Variants in PGD observed in about 807,000 individuals in gnomAD.
The protein encoded by PGD is 6-phosphogluconate dehydrogenase, decarboxylating.
In PGD, 21 loss-of-function variants were observed where a neutral mutation model predicts 60.4. The ratio of observed to expected loss-of-function variants is 0.35; its 90% CI spans 0.25 to 0.50. The LOEUF is 0.50. PGD is among the 20% of genes least tolerant of loss of function. PGD has a pLI of 0.98. For missense variants in PGD, 477 were observed against 613.1 expected, an observed-to-expected ratio of 0.78 and a Z score of 2.34; for synonymous variants, 230 against 235.9, an observed-to-expected ratio of 0.97 and a Z score of 0.23.
intron 8 of PGD, among the ~76,000 whole-genome samples, chr1:10,414,916 C>A (rs976053607): frequency 3.3e-5 from 5 of 151,448 alleles, no homozygotes; most frequent in Non-Finnish European, 7.4e-5. Context: ...CATGGCGAAA[C>A]CCCATCTCTA....
chr1:10,416,997 C>T lies in PGD; in HGVS notation c.855C>T (p.Val285=). 1 of 1,613,582 alleles carries T rather than the reference C, an allele frequency of 6.2e-7. No individual in the cohort carries two copies. Among genetic ancestry groups the T allele is most frequent in the Non-Finnish European group, 8.5e-7 (1 of 1,179,590 alleles). ...GATCTCCCCATGTAGGAGAAGCTGT[C>T]TTTGCTCGGTGCTTATCATCTCTGA... ...GVPVTLIGEA[V]FARCLSSLKD... Residue 285 remains valine, a synonymous_variant, in exon 9 of 13, where the codon GTC becomes GTT. Coordinates refer to ENST00000270776, the MANE Select transcript of PGD (RefSeq NM_002631.4).
chr1:10,405,323 A>G lies in PGD; in HGVS notation c.449+1044A>G, dbSNP rs567833926. On this transcript the variant is annotated intron_variant, in intron 5 of 12. Coordinates refer to ENST00000270776, the MANE Select transcript of PGD (RefSeq NM_002631.4). Reference sequence around the variant, plus strand: ...AGGAGGCAGAGGTTAGTGAGCCGAGATCGCGCCACTGCACTTCACCCTGGC... The same window carrying G: ...AGGAGGCAGAGGTTAGTGAGCCGAGGTCGCGCCACTGCACTTCACCCTGGC... 5.3e-5 allele frequency among the ~76,000 whole-genome samples: 8 copies of G among 151,918 alleles called. 2 individuals are homozygous for G. Among genetic ancestry groups the G allele is most frequent in the African/African-American group, 1.9e-4 (8 of 41,444 alleles).
Position 10,402,027 on chromosome 1 carries a change from A to T in PGD, c.265-1044A>T, listed in dbSNP as rs505445. Among the ~76,000 whole-genome samples, 1,322 of 150,242 alleles carry T rather than the reference A, an allele frequency of 8.8e-3. 7 individuals carry two copies. The highest frequency in any genetic ancestry group is 0.016 in the African/African-American group (654 of 41,016). On this transcript the variant is annotated intron_variant, in intron 3 of 12. Coordinates refer to ENST00000270776, the MANE Select transcript of PGD (RefSeq NM_002631.4). ...GAGACTCCGTCTCAAATAAATAAAT[A>T]AATTAATTAATTAATTAATAAAGTA...
chr1:10,408,181 G>A (rs962059521), intron 6 of PGD, 41 bp downstream of exon 6: 4 of 1,156,958 alleles, frequency 3.5e-6, no homozygotes, highest in Admixed American at 1.7e-5. Context: ...TGGCAACATG[G>A]GCGTGTCTAA....
At chr1:10,401,268 CCAAA>C (rs1639310795) in intron 3 of PGD, among the ~76,000 whole-genome samples, 2 of 152,192 alleles carry the variant, frequency 1.3e-5, no homozygotes, top group South Asian at 2.1e-4. Flanking sequence ...TATTTTTGTA[CCAAA>C]CAATTTGTTG....
chr1:10,399,603 C>G (rs375440605), intron 1 of PGD, 26 bp from the exon 2 acceptor site: 2 of 1,608,806 alleles, frequency 1.2e-6, no homozygotes, highest in African/African-American at 2.7e-5. Flanking sequence ...CTGACTCTTT[C>G]CTTTGTTCTG....
chr1:10,418,857 G>C lies in PGD; in HGVS notation c.1141G>C (p.Asp381His). ...VFLGKIKDAFDRNPELQNLLL... is the reference protein window; with the variant it reads ...VFLGKIKDAFHRNPELQNLLL... ...CCTAGGAAAGATAAAGGATGCATTTGATCGAAACCCGGAACTTCAGAACCT... is the reference window on the plus strand; with the variant it reads ...CCTAGGAAAGATAAAGGATGCATTTCATCGAAACCCGGAACTTCAGAACCT... The change falls in exon 11 of 13, where the codon GAT becomes CAT. Residue 381 changes from aspartate to histidine, a missense_variant. Around this residue, in one of 3 missense-constraint regions of PGD, gnomAD observed 431 missense variants for 556.6 expected, o/e 0.77. Transcript: ENST00000270776. 1 of 1,608,746 alleles carries C rather than the reference G, an allele frequency of 6.2e-7. No individual in the cohort carries two copies. Among genetic ancestry groups the C allele is most frequent in the Non-Finnish European group, 8.5e-7 (1 of 1,175,962 alleles).
intron 7 of PGD, among the ~76,000 whole-genome samples, chr1:10,412,142 A>G (rs1271819709): frequency 6.6e-6 from 1 of 152,228 alleles, no homozygotes; most frequent in African/African-American, 2.4e-5. Context: ...GCAGGTATCC[A>G]TACTTTTGTT....
rs1022852002 is a variant in PGD at position 10,420,447 on chromosome 1, G to C, written c.*698G>C. 7.2e-5 allele frequency among the ~76,000 whole-genome samples: 9 copies of C among 124,344 alleles called. No individual in the cohort carries two copies. Among genetic ancestry groups the C allele is most frequent in the Non-Finnish European group, 1.4e-4 (9 of 62,308 alleles). The allele number at this position is 124,344 out of a possible 152,430, so 81.6% of individuals were successfully genotyped here. On this transcript the variant is annotated 3_prime_UTR_variant, in exon 13 of 13. Transcript: ENST00000270776. ...CAAGCTGTGCGTGACATTCTTTATGGCTTTTTGTATGTCAAATACTTCATA... is the reference window on the plus strand; with the variant it reads ...CAAGCTGTGCGTGACATTCTTTATGCCTTTTTGTATGTCAAATACTTCATA...
In PGD at chr1:10,402,081, G is replaced by T. The variant is rs1008544840; in HGVS notation, c.265-990G>T. 4.6e-5 allele frequency among the ~76,000 whole-genome samples: 7 copies of T among 152,176 alleles called. No homozygotes were observed. The South Asian group carries it at 8.3e-4, about 18-fold the overall frequency. ...ATAATAATAAAGCCCAGCCTGGTTG[G>T]TGTGCTGTAGGTAGATATTCATGTT... On this transcript the variant is annotated intron_variant, in intron 3 of 12. Coordinates refer to ENST00000270776, the MANE Select transcript of PGD (RefSeq NM_002631.4).
chr1:10,402,945 T>G, intron 3 of PGD, 126 bp from the exon 4 acceptor site: 1 of 715,306 alleles, frequency 1.4e-6, no homozygotes, highest in South Asian at 1.6e-5. Flanking sequence ...ACTCCTGCAT[T>G]CCAAGCTGGG....
At chr1:10,412,311 C>A (rs995560168) in intron 7 of PGD, among the ~76,000 whole-genome samples, 54 of 152,196 alleles carry the variant, frequency 3.5e-4, no homozygotes, top group African/African-American at 1.3e-3. Context: ...TCGTGTCTTA[C>A]CATCTAGAAT....
intron 4 of PGD, among the ~76,000 whole-genome samples, chr1:10,403,578 GA>G (rs1433436523): frequency 9.2e-6 from 1 of 108,292 alleles, no homozygotes; most frequent in Non-Finnish European, 1.7e-5. Context: ...GCGACAGAGT[GA>G]AACTCCATCT....
chr1:10,409,830 A>G (rs1005886283), intron 6 of PGD, among the ~76,000 whole-genome samples: 1 of 151,468 alleles, frequency 6.6e-6, no homozygotes, highest in Non-Finnish European at 1.5e-5. Flanking sequence ...TAATTTTTGT[A>G]TTTTTGGTAG....
At chr1:10,413,018 C>A in intron 7 of PGD, 44 bp from the exon 8 acceptor site, 1 of 1,545,080 alleles carries the variant, frequency 6.5e-7, no homozygotes, top group Non-Finnish European at 8.9e-7. Flanking sequence ...CCTTGCTCAG[C>A]CCTCATTCCT....
At chr1:10,412,343 A>G (rs766039250) in intron 7 of PGD, among the ~76,000 whole-genome samples, 3 of 152,126 alleles carry the variant, frequency 2.0e-5, no homozygotes, top group Non-Finnish European at 2.9e-5. Context: ...GTTATTTCCA[A>G]TGGGATGTGA....
chr1:10,417,444 G>T lies in PGD; in HGVS notation c.1044G>T (p.Glu348Asp). ...GFMLLRQAATEFGWTLNYGGI... is the reference protein window; with the variant it reads ...GFMLLRQAATDFGWTLNYGGI... ...TGCTGCTAAGGCAGGCAGCCACCGA[G>T]TTTGGCTGGACTCTCAATTATGGTG... The change falls in exon 10 of 13, where the codon GAG becomes GAT. Residue 348 changes from glutamate to aspartate, a missense_variant. Physicochemically the swap from Glu to Asp is conservative, Grantham distance 45. This residue lies in a region of PGD where 431 missense variants were observed against 556.6 expected (regional missense o/e 0.77). Coordinates refer to ENST00000270776, the MANE Select transcript of PGD (RefSeq NM_002631.4). 6.2e-7 allele frequency: 1 copy of T among 1,613,946 alleles called. No individual in the cohort carries two copies. The highest frequency in any genetic ancestry group is 8.5e-7 in the Non-Finnish European group (1 of 1,179,888).
At chr1:10,399,926 CAGCCCGAATGAACGAATT>C in intron 2 of PGD, 2 of 591,510 alleles carry the variant, frequency 3.4e-6, no homozygotes, top group Non-Finnish European at 6.1e-6. Context: ...GTGAGGTTCA[CAGCCCGAATGAACGAATT>C]AGTGTCTTAA....
intron 3 of PGD, among the ~76,000 whole-genome samples, chr1:10,402,463 G>A (rs547520565): frequency 6.6e-6 from 1 of 151,732 alleles, no homozygotes; most frequent in Admixed American, 6.6e-5. Context: ...GCCAAGCCAG[G>A]AGGCTTTTAG....
Sources: gnomAD v4.1 joint callset for allele counts (sites outside exome capture counted in the v4.1 genomes callset) on GRCh38, gnomAD v4.1.1 for gene constraint, gnomAD v4.1.1 regional missense constraint, MANE v1.5 for transcripts, NCBI Gene and HGNC (gene_info 2026-07-23, HGNC 2026-07-21) for gene names.